The following ANGPTL2 variants were observed in gnomAD, a reference collection of about 807,000 sequenced individuals.
The protein encoded by ANGPTL2 is angiopoietin like 2.
A neutral mutation model predicts 52.8 loss-of-function variants in ANGPTL2; 25 were observed. The ratio of observed to expected loss-of-function variants is 0.47; its 90% CI spans 0.35 to 0.66. ANGPTL2 has a LOEUF of 0.66. Ranked by LOEUF, ANGPTL2 falls within the 30% of genes least tolerant of loss-of-function variation. The pLI is 0.01. For synonymous variants in ANGPTL2, 276 were observed against 277.4 expected (o/e 1.00, Z 0.05); for missense variants, 546 against 656.9 (o/e 0.83, Z 1.84).
chr9:127,106,306 C>T (rs1215559716), intron 2 of ANGPTL2, among the ~76,000 whole-genome samples: 1 of 152,162 alleles, frequency 6.6e-6, no homozygotes, highest in Admixed American at 6.5e-5. Context: ...ACACACCCTG[C>T]CCTCTCTTTC....
intron 1 of ANGPTL2, among the ~76,000 whole-genome samples, chr9:127,115,390 A>T (rs1343927912): frequency 6.6e-6 from 1 of 152,172 alleles, no homozygotes; most frequent in East Asian, 1.9e-4. Flanking sequence ...GGGTTTCGCC[A>T]TGCTGGTTGC....
intron 2 of ANGPTL2, among the ~76,000 whole-genome samples, chr9:127,104,934 T>G (rs1180114633): frequency 2.0e-5 from 3 of 152,184 alleles, no homozygotes; most frequent in Non-Finnish European, 2.9e-5. Context: ...TGCCCCAAGC[T>G]CTCTGAACAG....
chr9:127,093,856 C>T lies in ANGPTL2; in HGVS notation c.888G>A (p.Pro296=), dbSNP rs757614714. ...HDTSSIYLVK[P]ENTNRLMQVW... ...CCTGCATGAGGCGGTTGGTGTTCTC[C>T]GGCTTCACCAGGTAGATGGAGCTGG... The change falls in exon 3 of 5, where the codon CCG becomes CCA. Residue 296 remains proline (P), a synonymous_variant. Transcript: ENST00000373425. 3.5e-5 allele frequency: 57 copies of T among 1,614,002 alleles called. No homozygotes were observed. Among genetic ancestry groups the T allele is most frequent in the South Asian group, 2.3e-4 (21 of 91,088 alleles).
intron 3 of ANGPTL2, among the ~76,000 whole-genome samples, chr9:127,093,417 CT>C (rs2052720891): frequency 6.6e-6 from 1 of 152,170 alleles, no homozygotes; most frequent in Non-Finnish European, 1.5e-5. Flanking sequence ...CTCCTCACCC[CT>C]GGGCCCCCAT....
intron 1 of ANGPTL2, among the ~76,000 whole-genome samples, chr9:127,116,464 G>T (rs574418917): frequency 6.6e-6 from 1 of 152,342 alleles, no homozygotes; most frequent in South Asian, 2.1e-4. Context: ...TGTGCCAGGA[G>T]CCTTGGCCAA....
At chr9:127,103,493 T>C (rs1416997319) in intron 2 of ANGPTL2, among the ~76,000 whole-genome samples, 1 of 152,208 alleles carries the variant, frequency 6.6e-6, no homozygotes, top group Non-Finnish European at 1.5e-5. Context: ...TAGCTATACA[T>C]TGAAATGCTG....
intron 1 of ANGPTL2, among the ~76,000 whole-genome samples, chr9:127,112,706 CAGAAGCG>C: frequency 6.6e-6 from 1 of 152,334 alleles, no homozygotes; most frequent in Non-Finnish European, 1.5e-5. Flanking sequence ...GGAAGTGCAT[CAGAAGCG>C]GGAGATTGGA....
intron 4 of ANGPTL2, among the ~76,000 whole-genome samples, chr9:127,090,628 AG>A (rs1359816455): frequency 6.6e-6 from 1 of 152,230 alleles, no homozygotes; most frequent in Non-Finnish European, 1.5e-5. Context: ...CCTGAAGTAC[AG>A]GCCATTTGTA....
chr9:127,105,449 A>G (rs2054130432), intron 2 of ANGPTL2, among the ~76,000 whole-genome samples: 1 of 152,194 alleles, frequency 6.6e-6, no homozygotes, highest in Admixed American at 6.5e-5. Flanking sequence ...ACTCATCTCC[A>G]TCAGGGACCC....
At chr9:127,118,502 A>C (rs1024053570) in intron 1 of ANGPTL2, among the ~76,000 whole-genome samples, 21 of 152,256 alleles carry the variant, frequency 1.4e-4, no homozygotes, top group Admixed American at 6.5e-4. Context: ...GGATGGCAGC[A>C]GGCTGGGGTG....
At position 127,088,606 on chromosome 9, in the gene ANGPTL2, A is replaced by G. The variant is rs2136311901; in HGVS notation, c.*333T>C. On this transcript the variant is annotated 3_prime_UTR_variant, in exon 5 of 5. Coordinates refer to ENST00000373425, the MANE Select transcript of ANGPTL2 (RefSeq NM_012098.3). ...TATGTGGTATACACATACGTGCACA[A>G]GGGAGGCTCATACACATGTATATTA... The G allele has an allele frequency of 2.8e-6, 1 of 362,376 alleles. No individual in the cohort carries two copies. The highest frequency in any genetic ancestry group is 5.1e-6 in the Non-Finnish European group (1 of 194,796). 22.4% of individuals were successfully genotyped at this position (362,376 alleles called of 1,614,324 possible).
At chr9:127,100,681 C>CT (rs1448239190) in intron 2 of ANGPTL2, among the ~76,000 whole-genome samples, 1 of 152,144 alleles carries the variant, frequency 6.6e-6, no homozygotes, top group Non-Finnish European at 1.5e-5. Context: ...GGCCATGGCT[C>CT]TGTCAGAGAC....
Position 127,108,438 on chromosome 9 carries a change from CTTGAGCAGCTCATTG to C in ANGPTL2, c.279_293del (p.Asn93_Leu97del), listed in dbSNP as rs1564595072. 2.5e-6 allele frequency: 4 copies of C among 1,609,620 alleles called. No homozygotes were observed. Among genetic ancestry groups the C allele is most frequent in the Admixed American group, 1.7e-5 (1 of 59,880 alleles). Reference sequence around the variant, plus strand: ...GCAGCGTCTCGATCTGCCGCTTCTGCTTGAGCAGCTCATTGTTGAGCAGCTCTAGCTCCTGCTTAT... The same window carrying C: ...GCAGCGTCTCGATCTGCCGCTTCTGCTTGAGCAGCTCTAGCTCCTGCTTAT... On this transcript the variant is annotated inframe_deletion, in exon 2 of 5. Coordinates refer to ENST00000373425, the MANE Select transcript of ANGPTL2 (RefSeq NM_012098.3).
chr9:127,118,241 G>A (rs1251070059), intron 1 of ANGPTL2, among the ~76,000 whole-genome samples: 1 of 152,100 alleles, frequency 6.6e-6, no homozygotes, highest in Non-Finnish European at 1.5e-5. Flanking sequence ...ACAGGCCATC[G>A]TAACGTTGTA....
chr9:127,091,833 G>A lies in ANGPTL2; in HGVS notation c.1119C>T (p.Ser373=), dbSNP rs1045659840. ...CGTATTCTGCAAAGACTTTGCGGCC[G>A]GACCAGTCCTCCATGGTCACCAGGA... ...YKLLVTMEDW[S]GRKVFAEYAS... The change falls in exon 4 of 5, where the codon TCC becomes TCT. Residue 373 remains serine (S), a synonymous_variant. Coordinates refer to ENST00000373425, the MANE Select transcript of ANGPTL2 (RefSeq NM_012098.3). The surrounding 1 kb of genome is among the most constrained non-coding windows in gnomAD (Gnocchi z 4.3). The A allele has an allele frequency of 1.1e-5, 17 of 1,614,016 alleles. No homozygotes were observed. Among genetic ancestry groups the A allele is most frequent in the East Asian group, 2.2e-5 (1 of 44,892 alleles).
chr9:127,117,779 A>G (rs1368697153), intron 1 of ANGPTL2, among the ~76,000 whole-genome samples: 1 of 152,262 alleles, frequency 6.6e-6, no homozygotes, highest in African/African-American at 2.4e-5. Context: ...TAACTGAGAC[A>G]GACACAGCCT....
At chr9:127,089,900 T>C (rs970287912) in intron 4 of ANGPTL2, among the ~76,000 whole-genome samples, 2 of 152,166 alleles carry the variant, frequency 1.3e-5, no homozygotes, top group East Asian at 3.9e-4. Context: ...GTCCCCACTT[T>C]CCTGACTGGG....
chr9:127,100,785 G>A (rs1395241730), intron 2 of ANGPTL2, among the ~76,000 whole-genome samples: 4 of 152,214 alleles, frequency 2.6e-5, no homozygotes, highest in African/African-American at 9.7e-5. Flanking sequence ...CATAGTTGGC[G>A]AGTGTATTAA....
At chr9:127,109,442 G>A (rs1272015345) in intron 1 of ANGPTL2, among the ~76,000 whole-genome samples, 1 of 152,234 alleles carries the variant, frequency 6.6e-6, no homozygotes, top group South Asian at 2.1e-4. Flanking sequence ...GTGGAAGGAT[G>A]TGTCCAGTTA....
Sources: allele counts gnomAD v4.1 joint callset (sites outside exome capture counted in the v4.1 genomes callset), GRCh38; gene constraint gnomAD v4.1.1; non-coding constraint Gnocchi (gnomAD v3.1); transcripts MANE v1.5; gene names NCBI Gene and HGNC (gene_info 2026-07-23, HGNC 2026-07-21).